DOCK4: variants seen among roughly 807,000 people sequenced by gnomAD.
DOCK4 encodes the protein dedicator of cytokinesis protein 4.
DOCK4 carries 97 observed loss-of-function variants against 268.1 expected under a neutral mutation model. The ratio of observed to expected loss-of-function variants is 0.36; its 90% CI spans 0.31 to 0.43. The LOEUF (loss-of-function observed/expected upper bound fraction) is 0.43, where lower values mean the gene tolerates loss of function less well. Among genes scored for constraint, DOCK4 ranks in the 20% least tolerant of loss-of-function variants. The pLI, the probability that DOCK4 is intolerant of heterozygous loss-of-function variation, is 1.00. For synonymous variants in DOCK4, 954 were observed against 887.2 expected, an observed-to-expected ratio of 1.08 and a Z score of -1.34; for missense variants, 2,145 against 2,455.7, an observed-to-expected ratio of 0.87 and a Z score of 2.67.
intron 12 of DOCK4, among the ~76,000 whole-genome samples, chr7:111,927,909 C>T (rs180874402): frequency 2.3e-4 from 35 of 152,276 alleles, no homozygotes; most frequent in Middle Eastern, 6.8e-3. Flanking sequence ...ATGAAAAGTA[C>T]ATCCTTATCT....
chr7:112,150,058 GA>G (rs1420580958), intron 1 of DOCK4, among the ~76,000 whole-genome samples: 8 of 152,132 alleles, frequency 5.3e-5, no homozygotes, highest in Non-Finnish European at 1.2e-4. Flanking sequence ...CACCATTTTA[GA>G]AAAGAAAATA....
At chr7:112,085,810 C>T (rs893982001) in intron 1 of DOCK4, among the ~76,000 whole-genome samples, 1 of 151,870 alleles carries the variant, frequency 6.6e-6, no homozygotes, top group Non-Finnish European at 1.5e-5. Context: ...CAGCAGTGTC[C>T]CTGGAAGAGG....
At chr7:111,762,527 T>C (rs971156967) in intron 39 of DOCK4, among the ~76,000 whole-genome samples, 1 of 152,116 alleles carries the variant, frequency 6.6e-6, no homozygotes, top group Admixed American at 6.6e-5. Context: ...TATAAGTATT[T>C]CCTTTCTTTT....
intron 1 of DOCK4, among the ~76,000 whole-genome samples, chr7:112,127,046 C>A (rs893596125): frequency 2.0e-5 from 3 of 151,854 alleles, no homozygotes; most frequent in East Asian, 1.9e-4. Context: ...TTGACCCAGC[C>A]ATCCCATTAC....
intron 44 of DOCK4, among the ~76,000 whole-genome samples, chr7:111,742,633 G>A (rs1388827351): frequency 6.6e-6 from 1 of 152,170 alleles, no homozygotes; most frequent in African/African-American, 2.4e-5. Context: ...ATCTGCCAGG[G>A]AGGATGGAAA....
intron 22 of DOCK4, among the ~76,000 whole-genome samples, chr7:111,865,377 C>G (rs1805887982): frequency 6.6e-6 from 1 of 152,204 alleles, no homozygotes; most frequent in Non-Finnish European, 1.5e-5. Context: ...TCCCATCAAT[C>G]CAACCCAAAG....
intron 1 of DOCK4, among the ~76,000 whole-genome samples, chr7:112,201,700 C>A (rs1015531883): frequency 3.3e-5 from 5 of 152,046 alleles, no homozygotes; most frequent in Non-Finnish European, 7.4e-5. Context: ...TGAGGACATG[C>A]AGGAGGTAGA....
chr7:111,763,651 G>A (rs908186439), intron 39 of DOCK4, among the ~76,000 whole-genome samples: 2 of 152,036 alleles, frequency 1.3e-5, no homozygotes, highest in African/African-American at 4.8e-5. Context: ...GCCAACAGAG[G>A]GAGACGACCT....
intron 6 of DOCK4, among the ~76,000 whole-genome samples, chr7:111,988,460 A>G (rs887055763): frequency 2.0e-5 from 3 of 152,184 alleles, no homozygotes; most frequent in African/African-American, 7.2e-5. Context: ...TTAAAAATAA[A>G]TCTCGGTCAA....
At chr7:112,192,936 G>A (rs1820107469) in intron 1 of DOCK4, among the ~76,000 whole-genome samples, 1 of 151,958 alleles carries the variant, frequency 6.6e-6, no homozygotes, top group South Asian at 2.1e-4. Flanking sequence ...ACATACTTAA[G>A]GATAGTAGAA....
Position 112,183,941 on chromosome 7 carries a change from A to G in DOCK4, c.37+22161T>C, listed in dbSNP as rs191221677. On this transcript the variant is annotated intron_variant, in intron 1 of 52. Coordinates refer to ENST00000428084, the MANE Select transcript of DOCK4 (RefSeq NM_001363540.2). ...ATTCCTACAGTACCTTCTCAACTCAATTCAGGTATCATCTTCTCCAGGATG... is the reference window on the plus strand; with the variant it reads ...ATTCCTACAGTACCTTCTCAACTCAGTTCAGGTATCATCTTCTCCAGGATG... Among the ~76,000 whole-genome samples the G allele has an allele frequency of 9.4e-3, 1,424 of 152,120 alleles. 24 individuals are homozygous for G. The highest frequency in any genetic ancestry group is 0.033 in the African/African-American group (1,362 of 41,482).
At chr7:111,739,299 T>C in intron 48 of DOCK4, 56 bp from the exon 49 acceptor site, 1 of 1,596,418 alleles carries the variant, frequency 6.3e-7, no homozygotes, top group South Asian at 1.1e-5. Context: ...TGCACCTGTT[T>C]GGAGGCGAGA....
chr7:111,912,526 A>C (rs1263351510), intron 13 of DOCK4, among the ~76,000 whole-genome samples: 1 of 152,200 alleles, frequency 6.6e-6, no homozygotes, highest in Non-Finnish European at 1.5e-5. Flanking sequence ...ATATGTCAAA[A>C]AAATTTTAAA....
intron 30 of DOCK4, among the ~76,000 whole-genome samples, chr7:111,806,568 C>A (rs567800645): frequency 1.3e-5 from 2 of 152,272 alleles, no homozygotes; most frequent in Middle Eastern, 3.4e-3. Flanking sequence ...AAAGGAGGAG[C>A]CTTTTCTAAC....
intron 11 of DOCK4, among the ~76,000 whole-genome samples, chr7:111,938,251 T>C (rs1360926040): frequency 2.6e-5 from 4 of 152,208 alleles, no homozygotes; most frequent in South Asian, 4.1e-4. Flanking sequence ...CAATGAATTA[T>C]TGAATGTGTT....
chr7:112,173,857 A>G (rs1018703959), intron 1 of DOCK4, among the ~76,000 whole-genome samples: 2 of 152,052 alleles, frequency 1.3e-5, no homozygotes, highest in African/African-American at 4.8e-5. Flanking sequence ...CAAAATACAT[A>G]AGAGAGCAAG....
At chr7:111,941,471 T>C (rs1795190139) in intron 10 of DOCK4, among the ~76,000 whole-genome samples, 1 of 152,200 alleles carries the variant, frequency 6.6e-6, no homozygotes, top group African/African-American at 2.4e-5. Context: ...TTGAATAATA[T>C]TACAGAATGT....
chr7:111,893,676 C>T (rs1808482772), intron 16 of DOCK4, among the ~76,000 whole-genome samples: 1 of 152,134 alleles, frequency 6.6e-6, no homozygotes, highest in African/African-American at 2.4e-5. Context: ...TTTCTGGTTA[C>T]TATGCTTTAA....
chr7:111,732,034 G>A (rs548603748), intron 52 of DOCK4, among the ~76,000 whole-genome samples, 192 bp downstream of exon 52: 8 of 152,356 alleles, frequency 5.3e-5, no homozygotes, highest in Admixed American at 1.3e-4. Context: ...ACAAATGGCT[G>A]CGTTTGTGCA....
Sources: allele counts gnomAD v4.1 joint callset (sites outside exome capture counted in the v4.1 genomes callset), GRCh38; gene constraint gnomAD v4.1.1; transcripts MANE v1.5; gene names NCBI Gene and HGNC (gene_info 2026-07-23, HGNC 2026-07-21).